The following FOCAD variants were observed in gnomAD, a reference collection of about 807,000 sequenced individuals.
FOCAD encodes focadhesin.
A neutral mutation model predicts 225.6 loss-of-function variants in FOCAD; 198 were observed. The observed-to-expected ratio is 0.88, with a 90% CI of 0.78 to 0.99. The LOEUF (loss-of-function observed/expected upper bound fraction) is 0.99, where lower values mean the gene tolerates loss of function less well. Ranked by LOEUF, FOCAD falls within the 50% of genes least tolerant of loss-of-function variation. The pLI is 0.00. For synonymous variants in FOCAD, 897 were observed against 755.0 expected, an observed-to-expected ratio of 1.19 and a Z score of -3.08; for missense variants, 2,713 against 2,123.6, an observed-to-expected ratio of 1.28 and a Z score of -5.46.
At chr9:20,827,898 C>T (rs1161701390) in intron 15 of FOCAD, among the ~76,000 whole-genome samples, 13 of 151,892 alleles carry the variant, frequency 8.6e-5, no homozygotes, top group Non-Finnish European at 1.9e-4. Context: ...TTTGGCTGGG[C>T]GTGTTGGTTC....
At chr9:20,707,917 A>G (rs923436680) in intron 1 of FOCAD, among the ~76,000 whole-genome samples, 9 of 152,344 alleles carry the variant, frequency 5.9e-5, no homozygotes, top group South Asian at 4.1e-4. Context: ...TGATGAAACA[A>G]TCGAGCTGCC....
chr9:20,967,854 T>C (rs1173826165), intron 35 of FOCAD, among the ~76,000 whole-genome samples: 1 of 152,160 alleles, frequency 6.6e-6, no homozygotes, highest in Non-Finnish European at 1.5e-5. Flanking sequence ...ATCTTTTTAA[T>C]ATGCTGTTGG....
intron 11 of FOCAD, among the ~76,000 whole-genome samples, chr9:20,806,702 T>C (rs918641499): frequency 6.6e-6 from 1 of 152,196 alleles, no homozygotes; most frequent in Non-Finnish European, 1.5e-5. Context: ...TTAATAATCA[T>C]CTAAATTCAA....
intron 30 of FOCAD, among the ~76,000 whole-genome samples, chr9:20,947,720 C>T (rs996967090): frequency 6.6e-6 from 1 of 151,926 alleles, no homozygotes; most frequent in African/African-American, 2.4e-5. Flanking sequence ...TAGAATTTCC[C>T]CATGTGGATT....
intron 21 of FOCAD, among the ~76,000 whole-genome samples, chr9:20,885,970 A>T (rs1831071238): frequency 6.6e-6 from 1 of 152,220 alleles, no homozygotes; most frequent in Non-Finnish European, 1.5e-5. Context: ...GATTTAATGA[A>T]CTTGATGTAA....
intron 5 of FOCAD, among the ~76,000 whole-genome samples, chr9:20,749,722 G>C (rs1828372340): frequency 6.6e-6 from 1 of 152,150 alleles, no homozygotes; most frequent in Non-Finnish European, 1.5e-5. Flanking sequence ...GGCAATCTGT[G>C]TCTGTCGCTG....
intron 35 of FOCAD, among the ~76,000 whole-genome samples, chr9:20,961,147 T>A (rs960974902): frequency 2.0e-5 from 3 of 151,610 alleles, no homozygotes. Context: ...TCTCCTCTCC[T>A]CTCCACTCCT....
chr9:20,968,931 C>T (rs918489507), intron 35 of FOCAD, among the ~76,000 whole-genome samples: 3 of 152,070 alleles, frequency 2.0e-5, no homozygotes, highest in African/African-American at 7.2e-5. Context: ...CCCCAGTATA[C>T]TGTATTTGTG....
chr9:20,869,236 A>G (rs2131745070), intron 18 of FOCAD, among the ~76,000 whole-genome samples: 1 of 152,240 alleles, frequency 6.6e-6, no homozygotes, highest in East Asian at 1.9e-4. Context: ...ACAAGACTTA[A>G]GGTTACCTAT....
intron 15 of FOCAD, among the ~76,000 whole-genome samples, chr9:20,835,931 T>G (rs1468618790): frequency 6.6e-6 from 1 of 152,094 alleles, no homozygotes; most frequent in African/African-American, 2.4e-5. Flanking sequence ...TGGGGATTCT[T>G]GACCGCTAGA....
chr9:20,748,887 G>A (rs764542219), intron 5 of FOCAD, among the ~76,000 whole-genome samples: 2 of 152,096 alleles, frequency 1.3e-5, no homozygotes, highest in African/African-American at 2.4e-5. Flanking sequence ...GTAGCCACCA[G>A]AAAACACTTT....
At chr9:20,747,652 C>T (rs1207008871) in intron 5 of FOCAD, among the ~76,000 whole-genome samples, 1 of 152,046 alleles carries the variant, frequency 6.6e-6, no homozygotes, top group Non-Finnish European at 1.5e-5. Flanking sequence ...TTGGATTTGC[C>T]TTATAAGTGG....
chr9:20,768,032 C>T (rs1294750548), intron 7 of FOCAD, among the ~76,000 whole-genome samples: 1 of 151,466 alleles, frequency 6.6e-6, no homozygotes, highest in Non-Finnish European at 1.5e-5. Flanking sequence ...CCAGTTACAG[C>T]TTTCTCCATA....
intron 20 of FOCAD, among the ~76,000 whole-genome samples, chr9:20,882,697 C>A (rs977538023): frequency 6.6e-6 from 1 of 152,188 alleles, no homozygotes; most frequent in South Asian, 2.1e-4. Context: ...GTGGAGAAAC[C>A]AGCAGACATC....
At chr9:20,854,236 A>G (rs994236718) in intron 15 of FOCAD, among the ~76,000 whole-genome samples, 6 of 151,938 alleles carry the variant, frequency 3.9e-5, no homozygotes, top group Middle Eastern at 3.4e-3. Context: ...TCTGCAAAAG[A>G]ACAAAGTCAT....
chr9:20,875,074 A>G, intron 19 of FOCAD: 1 of 386,650 alleles, frequency 2.6e-6, no homozygotes, highest in East Asian at 5.9e-5. Flanking sequence ...TTCATTTAAA[A>G]GGCTAAATGT....
At position 20,740,282 on chromosome 9, in the gene FOCAD, C is replaced by G; in HGVS notation, c.334C>G (p.Gln112Glu). The G allele has an allele frequency of 2.5e-6, 4 of 1,611,994 alleles. No individual in the cohort carries two copies. The highest frequency in any genetic ancestry group is 2.5e-6 in the Non-Finnish European group (3 of 1,178,816). ...IKAIMHLLQM[Q>E]ALKEGQGGEK... ...AGCCATTATGCACTTACTACAAATG[C>G]AAGCTCTTAAGGAAGGACAAGGTGG... Residue 112 changes from glutamine to glutamate, a missense_variant, in exon 5 of 44, where the codon CAA (glutamine) becomes GAA (glutamate). Gln to Glu is a conservative substitution (Grantham distance 29). Transcript: ENST00000338382.
intron 11 of FOCAD, among the ~76,000 whole-genome samples, chr9:20,794,665 G>GA (rs1286026509): frequency 6.6e-6 from 1 of 152,160 alleles, no homozygotes; most frequent in Non-Finnish European, 1.5e-5. Flanking sequence ...AGGATGAAGG[G>GA]AAAATTGTAA....
chr9:20,917,964 G>A (rs1195486195), intron 24 of FOCAD, among the ~76,000 whole-genome samples: 1 of 152,208 alleles, frequency 6.6e-6, no homozygotes, highest in East Asian at 1.9e-4. Context: ...TCCTATGGAA[G>A]GCACTGGGAA....
Sources: allele counts gnomAD v4.1 joint callset (sites outside exome capture counted in the v4.1 genomes callset), GRCh38; gene constraint gnomAD v4.1.1; transcripts MANE v1.5; gene names NCBI Gene and HGNC (gene_info 2026-07-23, HGNC 2026-07-21).